RPS6KC1: variants seen among roughly 807,000 people sequenced by gnomAD.
RPS6KC1 encodes inactive ribosomal protein S6 kinase delta-1.
RPS6KC1 carries 54 observed loss-of-function variants against 103.8 expected under a neutral mutation model. The ratio of observed to expected loss-of-function variants is 0.52; its 90% CI spans 0.42 to 0.65. RPS6KC1 has a LOEUF of 0.65. Among genes scored for constraint, RPS6KC1 ranks in the 30% least tolerant of loss-of-function variants. The probability of loss-of-function intolerance (pLI) is 0.00; values close to 1 mark genes in which losing one functional copy is unlikely to be tolerated. For synonymous variants in RPS6KC1, 439 were observed against 438.7 expected (o/e 1.00, Z -0.01); for missense variants, 1,151 against 1,253.8 (o/e 0.92, Z 1.24).
At chr1:213,441,046 G>A in the RPS6KC1 span, among the ~76,000 whole-genome samples, 6 of 152,148 alleles carry the variant, frequency 3.9e-5, no homozygotes, top group Non-Finnish European at 7.3e-5. Flanking sequence ...GGTCAGCTCC[G>A]GCCATTGAGC....
the RPS6KC1 span, among the ~76,000 whole-genome samples, chr1:213,834,726 A>C: frequency 1.3e-5 from 2 of 151,944 alleles, no homozygotes. Flanking sequence ...ACACACACAC[A>C]CACCCCAAAA....
chr1:213,357,575 G>A, the RPS6KC1 span, among the ~76,000 whole-genome samples: 2 of 152,236 alleles, frequency 1.3e-5, no homozygotes, highest in African/African-American at 4.8e-5. Flanking sequence ...GGTCTGACCA[G>A]CAGGGCTCTG....
At chr1:213,237,757 AT>A (rs1394105789) in intron 10 of RPS6KC1, among the ~76,000 whole-genome samples, 1 of 152,132 alleles carries the variant, frequency 6.6e-6, no homozygotes. Context: ...ATGAATTCTA[AT>A]TTTTAAATCT....
intron 8 of RPS6KC1, among the ~76,000 whole-genome samples, chr1:213,212,857 A>G (rs764153843): frequency 1.3e-5 from 2 of 151,992 alleles, no homozygotes; most frequent in Non-Finnish European, 2.9e-5. Context: ...TTATATGCTT[A>G]TTTGCCATCT....
chr1:213,128,777 T>C (rs1242806054), intron 5 of RPS6KC1, among the ~76,000 whole-genome samples: 1 of 152,208 alleles, frequency 6.6e-6, no homozygotes, highest in African/African-American at 2.4e-5. Flanking sequence ...GTAGTTGTTA[T>C]ATAGTTACAG....
the RPS6KC1 span, among the ~76,000 whole-genome samples, chr1:213,594,613 A>G: frequency 2.8e-4 from 43 of 152,208 alleles, no homozygotes; most frequent in Admixed American, 8.5e-4. Context: ...ATAATAACAA[A>G]ATCCATTAAT....
At chr1:213,860,741 C>T in the RPS6KC1 span, among the ~76,000 whole-genome samples, 1 of 152,048 alleles carries the variant, frequency 6.6e-6, no homozygotes, top group Non-Finnish European at 1.5e-5. Context: ...GCAGAAGACG[C>T]AGCCAGAGCC....
At chr1:213,426,580 C>T in the RPS6KC1 span, among the ~76,000 whole-genome samples, 3 of 152,198 alleles carry the variant, frequency 2.0e-5, no homozygotes, top group African/African-American at 7.2e-5. Flanking sequence ...GGTTCGGCTA[C>T]TAATGTCTAA....
intron 8 of RPS6KC1, among the ~76,000 whole-genome samples, chr1:213,227,464 A>G (rs1289268493): frequency 6.6e-6 from 1 of 152,262 alleles, no homozygotes; most frequent in Non-Finnish European, 1.5e-5. Flanking sequence ...TTAAAGTTCT[A>G]TAGGTCAGAA....
chr1:213,232,366 A>G (rs2094124009), intron 10 of RPS6KC1, 111 bp downstream of exon 10: 5 of 1,363,110 alleles, frequency 3.7e-6, no homozygotes, highest in Admixed American at 1.7e-5. Flanking sequence ...CGTTTAAGAA[A>G]CCATTTCCTA....
rs2083219290 is a variant in RPS6KC1 at position 213,113,262 on chromosome 1, G to T, written c.379-4055G>T. On this transcript the variant is annotated intron_variant, in intron 4 of 14. Coordinates refer to ENST00000366960, the MANE Select transcript of RPS6KC1 (RefSeq NM_012424.6). ...TTTTTAATGATTGCCATTCTAACTGGTGTGAGATGATATCTCATTGTGGTT... is the reference window on the plus strand; with the variant it reads ...TTTTTAATGATTGCCATTCTAACTGTTGTGAGATGATATCTCATTGTGGTT... Among the ~76,000 whole-genome samples, 5 of 151,802 alleles carry T rather than the reference G, an allele frequency of 3.3e-5. No individual in the cohort carries two copies. The South Asian group carries it at 1.0e-3, about 32-fold the overall frequency.
chr1:213,388,187 G>A, the RPS6KC1 span, among the ~76,000 whole-genome samples: 2 of 152,246 alleles, frequency 1.3e-5, no homozygotes, highest in African/African-American at 4.8e-5. Context: ...GATGCTGACA[G>A]ACCTCTCCCT....
chr1:213,318,893 G>A, the RPS6KC1 span, among the ~76,000 whole-genome samples: 63 of 152,344 alleles, frequency 4.1e-4, no homozygotes, highest in African/African-American at 1.3e-3. Context: ...TAGTAGGGAT[G>A]AAGATAACAG....
the RPS6KC1 span, among the ~76,000 whole-genome samples, chr1:213,775,723 T>A: frequency 6.6e-6 from 1 of 152,140 alleles, no homozygotes; most frequent in Non-Finnish European, 1.5e-5. Context: ...AAGACAACAA[T>A]GAAGTTTGCT....
At chr1:213,107,471 T>C (rs976674723) in intron 4 of RPS6KC1, among the ~76,000 whole-genome samples, 12 of 152,250 alleles carry the variant, frequency 7.9e-5, no homozygotes, top group African/African-American at 2.9e-4. Context: ...ATTCATGTTA[T>C]GTATCAGCAT....
At chr1:213,195,233 A>G (rs1262719850) in intron 8 of RPS6KC1, among the ~76,000 whole-genome samples, 1 of 152,222 alleles carries the variant, frequency 6.6e-6, no homozygotes, top group Non-Finnish European at 1.5e-5. Context: ...ATGAGAATGT[A>G]TACAATTGAT....
At chr1:213,617,056 C>CGA in the RPS6KC1 span, among the ~76,000 whole-genome samples, 205 of 152,294 alleles carry the variant, frequency 1.3e-3, no homozygotes, top group East Asian at 0.03. Flanking sequence ...ATAGGTCTGA[C>CGA]ACGTTCTTAG....
chr1:213,497,412 C>G, the RPS6KC1 span, among the ~76,000 whole-genome samples: 2 of 148,916 alleles, frequency 1.3e-5, no homozygotes, highest in Admixed American at 1.3e-4. Flanking sequence ...CCCCAAACAC[C>G]AAATAACAAT....
At chr1:213,602,142 C>A in the RPS6KC1 span, among the ~76,000 whole-genome samples, 1 of 64,900 alleles carries the variant, frequency 1.5e-5, no homozygotes, top group African/African-American at 6.3e-5. Flanking sequence ...TTCTTTCTTT[C>A]TTTCTTTCTT....
Sources: allele counts gnomAD v4.1 joint callset (sites outside exome capture counted in the v4.1 genomes callset), GRCh38; gene constraint gnomAD v4.1.1; transcripts MANE v1.5; gene names NCBI Gene and HGNC (gene_info 2026-07-23, HGNC 2026-07-21).